CWC22: variants seen among roughly 807,000 people sequenced by gnomAD.
CWC22 encodes CWC22 spliceosome associated protein.
CWC22 carries 53 observed loss-of-function variants against 117.2 expected under a neutral mutation model. The observed-to-expected ratio is 0.45, with a 90% CI of 0.36 to 0.57. The LOEUF (loss-of-function observed/expected upper bound fraction) is 0.57. CWC22 is among the 20% of genes least tolerant of loss of function. CWC22 has a pLI of 0.00. For synonymous variants in CWC22, 360 were observed against 355.6 expected (o/e 1.01, Z -0.14); for missense variants, 980 against 1,068.8 (o/e 0.92, Z 1.16).
intron 15 of CWC22, 31 bp from the exon 16 acceptor site, chr2:179,954,388 A>C: frequency 7.2e-7 from 1 of 1,391,372 alleles, no homozygotes; most frequent in Non-Finnish European, 1.0e-6. Context: ...ACCATTAAAA[A>C]TTGAATGTTA....
chr2:179,968,236 C>T (rs964831379), intron 11 of CWC22, among the ~76,000 whole-genome samples: 1 of 152,122 alleles, frequency 6.6e-6, no homozygotes, highest in African/African-American at 2.4e-5. Context: ...GATTCTAATG[C>T]AACACTATCA....
In CWC22 at chr2:179,978,304, C is replaced by T; in HGVS notation, c.467G>A (p.Arg156Lys). 6.6e-6 allele frequency: 10 copies of T among 1,513,672 alleles called. No individual in the cohort carries two copies. Among genetic ancestry groups the T allele is most frequent in the Non-Finnish European group, 7.9e-6 (9 of 1,133,084 alleles). The allele number at this position is 1,513,672 out of a possible 1,614,324, so 93.8% of individuals were successfully genotyped here. A position where few individuals can be genotyped will look rare whatever the true frequency, so the allele number is the denominator to read the frequency against. ...ITDKNSLAYQRMSWEALKKSI... is the reference protein window; with the variant it reads ...ITDKNSLAYQKMSWEALKKSI... ...CTTCTTCAGGGCCTCCCAACTCATC[C>T]TCTGGTATGCTAAGCTAAAAAGAAG... The change falls in exon 6 of 20, where the codon AGG (arginine) becomes AAG (lysine). Residue 156 changes from arginine (R) to lysine (K), a missense_variant. Arg to Lys is a conservative substitution (Grantham distance 26, BLOSUM62 2). Around this residue, in one of 3 missense-constraint regions of CWC22, gnomAD observed 559 missense variants for 602.3 expected, o/e 0.93. Transcript: ENST00000410053.
chr2:179,999,088 G>A (rs1687781194), intron 1 of CWC22, among the ~76,000 whole-genome samples: 1 of 152,128 alleles, frequency 6.6e-6, no homozygotes, highest in South Asian at 2.1e-4. Context: ...CACAACGTAA[G>A]TGTGAAAATG....
At chr2:179,991,927 T>A (rs755827061) in intron 2 of CWC22, among the ~76,000 whole-genome samples, 2 of 152,208 alleles carry the variant, frequency 1.3e-5, no homozygotes, top group Non-Finnish European at 1.5e-5. Context: ...GCTGGATGTC[T>A]ACTTAAAAGG....
Position 179,993,321 on chromosome 2 carries a change from C to A in CWC22, c.21G>T (p.Gln7His). Residue 7 changes from glutamine to histidine, a missense_variant, in exon 2 of 20, where the codon CAG becomes CAT. By Grantham distance (24) the Gln-to-His change is conservative. Transcript: ENST00000410053. MKSSVA[Q>H]IKPSSGHDRR... ...TTAAGTTTCAAACACTTACTTTTAT[C>A]TGTGCCACACTACTTTTCATTTTCT... The A allele has an allele frequency of 6.4e-7, 1 of 1,565,824 alleles. No homozygotes were observed. Among genetic ancestry groups the A allele is most frequent in the Non-Finnish European group, 8.7e-7 (1 of 1,152,478 alleles).
chr2:179,946,561 T>C (rs1686309452), intron 19 of CWC22, among the ~76,000 whole-genome samples: 1 of 150,976 alleles, frequency 6.6e-6, no homozygotes, highest in Non-Finnish European at 1.5e-5. Flanking sequence ...TTTAAGACAG[T>C]AAACAGAAAT....
intron 13 of CWC22, among the ~76,000 whole-genome samples, chr2:179,963,894 G>A (rs1193388465): frequency 6.6e-6 from 1 of 152,186 alleles, no homozygotes; most frequent in East Asian, 1.9e-4. Flanking sequence ...TGTAAACAGT[G>A]TGCCTATTAA....
chr2:179,957,828 T>C (rs4893884), intron 14 of CWC22, among the ~76,000 whole-genome samples: 22,013 of 124,314 alleles, frequency 0.18, 1,979 homozygotes, highest in Admixed American at 0.34. Flanking sequence ...AAGCAATATA[T>C]ATAATATACA....
At position 179,950,711 on chromosome 2, in the gene CWC22, G is replaced by T. The variant is rs1686424998; in HGVS notation, c.1941C>A (p.Leu647=). 1 of 1,613,318 alleles carries T rather than the reference G, an allele frequency of 6.2e-7. No individual in the cohort carries two copies. The highest frequency in any genetic ancestry group is 1.3e-5 in the African/African-American group (1 of 74,862). ...CCACAATGACCTTTGGTGTATTTTT[G>T]AGATGCTCCCGCAGTTCATCCCTAA... ...GGLTDELREH[L]KNTPKVIVAQ... The change falls in exon 19 of 20, where the codon CTC becomes CTA. Residue 647 remains leucine (L), a synonymous_variant. Transcript: ENST00000410053.
chr2:180,003,376 T>C (rs375334693), intron 1 of CWC22, among the ~76,000 whole-genome samples: 1 of 152,210 alleles, frequency 6.6e-6, no homozygotes. Context: ...GAATATGCCA[T>C]ATGCCTTCAT....
At chr2:179,992,936 T>C (rs1238099894) in intron 2 of CWC22, among the ~76,000 whole-genome samples, 1 of 152,244 alleles carries the variant, frequency 6.6e-6, no homozygotes, top group Non-Finnish European at 1.5e-5. Flanking sequence ...TGTTTGTTAC[T>C]TGTTTTTCTT....
chr2:179,969,631 A>C lies in CWC22; in HGVS notation c.1210+870T>G, dbSNP rs561857700. ...TGTTAGCCTGATAAAAGATTTTGCA[A>C]AGCTAACCAACTCTTTACATTTCTA... On this transcript the variant is annotated intron_variant, in intron 11 of 19. Coordinates refer to ENST00000410053, the MANE Select transcript of CWC22 (RefSeq NM_020943.3). Among the ~76,000 whole-genome samples the C allele has an allele frequency of 2.0e-5, 3 of 152,300 alleles. No individual in the cohort carries two copies. In the South Asian group the frequency reaches 6.2e-4, roughly 32 times the overall value.
chr2:179,948,581 T>A (rs1051428798), intron 19 of CWC22, among the ~76,000 whole-genome samples: 3 of 152,206 alleles, frequency 2.0e-5, no homozygotes, highest in Non-Finnish European at 2.9e-5. Flanking sequence ...AATAAAATTA[T>A]GAACCTCTTG....
In CWC22 at chr2:179,988,635, CAGA is replaced by C. The variant is rs769100844; in HGVS notation, c.34_36del (p.Ser12del). On this transcript the variant is annotated inframe_deletion, in exon 3 of 20. Coordinates refer to ENST00000410053, the MANE Select transcript of CWC22 (RefSeq NM_020943.3). ...TTAAGGTTTTCCCTTCTGTCATGAC[CAGA>C]AGAAGGCTTTAAAAGAGGAAAAGGG... 7.3e-6 allele frequency: 11 copies of C among 1,503,494 alleles called. No homozygotes were observed. In the South Asian group the frequency reaches 8.1e-5, roughly 11 times the overall value. The allele number at this position is 1,503,494 out of a possible 1,614,324, so 93.1% of individuals were successfully genotyped here.
chr2:179,952,428 C>T (rs1402460838), intron 17 of CWC22, 43 bp downstream of exon 17: 1 of 1,465,860 alleles, frequency 6.8e-7, no homozygotes. Flanking sequence ...TGGGAGAAAA[C>T]CAGAGGTCAA....
intron 13 of CWC22, among the ~76,000 whole-genome samples, chr2:179,959,392 T>C (rs1315235013): frequency 1.3e-5 from 2 of 152,082 alleles, no homozygotes; most frequent in Admixed American, 6.6e-5. Context: ...ATTAAATGAG[T>C]AGAAAGTGAC....
At chr2:179,950,448 T>C in intron 19 of CWC22, 64 bp downstream of exon 19, 1 of 972,520 alleles carries the variant, frequency 1.0e-6, no homozygotes, top group Non-Finnish European at 1.5e-6. Context: ...TTTTCTTCCT[T>C]CATATATATC....
intron 6 of CWC22, among the ~76,000 whole-genome samples, chr2:179,976,348 T>G (rs1403845907): frequency 1.3e-5 from 2 of 152,124 alleles, no homozygotes; most frequent in African/African-American, 4.8e-5. Flanking sequence ...GAGACACTGG[T>G]ATGGTTAATG....
intron 11 of CWC22, among the ~76,000 whole-genome samples, chr2:179,969,687 T>G (rs1686981962): frequency 6.6e-6 from 1 of 152,174 alleles, no homozygotes; most frequent in Non-Finnish European, 1.5e-5. Context: ...ATACAAACTT[T>G]TGGGGTTTAA....
Sources: allele counts gnomAD v4.1 joint callset (sites outside exome capture counted in the v4.1 genomes callset), GRCh38; gene constraint gnomAD v4.1.1; regional missense constraint gnomAD v4.1.1; transcripts MANE v1.5; gene names NCBI Gene and HGNC (gene_info 2026-07-23, HGNC 2026-07-21).